Variants in PCM1 observed in about 807,000 individuals in gnomAD.
PCM1 encodes the protein pericentriolar material 1, also known as pericentriolar material 1 protein.
Under a neutral mutation model 241.9 loss-of-function variants are expected in PCM1, and 157 were observed. The observed-to-expected ratio is 0.65, with a 90% CI of 0.57 to 0.74. The LOEUF (loss-of-function observed/expected upper bound fraction) is 0.74, where lower values mean the gene tolerates loss of function less well. Among genes scored for constraint, PCM1 ranks in the 30% least tolerant of loss-of-function variants. PCM1 has a pLI of 0.00. For synonymous variants in PCM1, 1,085 were observed against 784.9 expected, an observed-to-expected ratio of 1.38 and a Z score of -6.39; for missense variants, 3,478 against 2,360.1, an observed-to-expected ratio of 1.47 and a Z score of -9.81.
At chr8:17,975,817 G>A (rs2078570922) in intron 23 of PCM1, among the ~76,000 whole-genome samples, 1 of 152,114 alleles carries the variant, frequency 6.6e-6, no homozygotes, top group African/African-American at 2.4e-5. Context: ...TATGAAAATA[G>A]ATATTGCATA....
chr8:18,006,821 T>C (rs951862894), intron 30 of PCM1, among the ~76,000 whole-genome samples: 1 of 152,232 alleles, frequency 6.6e-6, no homozygotes, highest in African/African-American at 2.4e-5. Flanking sequence ...GCTTAAATTA[T>C]AGTAAGTCAG....
chr8:18,013,874 G>T (rs906651176), intron 34 of PCM1, 90 bp from the exon 35 acceptor site: 1 of 734,904 alleles, frequency 1.4e-6, no homozygotes, highest in Non-Finnish European at 2.2e-6. Context: ...TGAAGGTCTT[G>T]GGTTGGACAA....
intron 2 of PCM1, among the ~76,000 whole-genome samples, chr8:17,931,875 AAT>A (rs1474339273): frequency 6.6e-6 from 1 of 152,180 alleles, no homozygotes; most frequent in African/African-American, 2.4e-5. Context: ...AAAGTTTTAA[AAT>A]ATATTTCTAG....
intron 2 of PCM1, among the ~76,000 whole-genome samples, chr8:17,929,965 G>A (rs542273456): frequency 6.6e-5 from 10 of 152,198 alleles, no homozygotes; most frequent in South Asian, 4.1e-4. Context: ...GTTGACTATG[G>A]GGAACTATAA....
Position 17,939,864 on chromosome 8 carries a change from A to T in PCM1, c.783+3A>T. ...TGAAATTTCTTAAAAAAATCCTTGTAAGTATTCGACTTTTAAAATAACATA... is the reference window on the plus strand; with the variant it reads ...TGAAATTTCTTAAAAAAATCCTTGTTAGTATTCGACTTTTAAAATAACATA... On this transcript the variant is annotated splice_donor_region_variant and intron_variant, in intron 6 of 38. Coordinates refer to ENST00000325083, the MANE Select transcript of PCM1 (RefSeq NM_006197.4). 7.0e-7 allele frequency: 1 copy of T among 1,435,748 alleles called. No homozygotes were observed. The highest frequency in any genetic ancestry group is 9.5e-7 in the Non-Finnish European group (1 of 1,053,182). The allele number at this position is 1,435,748 out of a possible 1,614,324, so 88.9% of individuals were successfully genotyped here. A position where few individuals can be genotyped will look rare whatever the true frequency, so the allele number is the denominator to read the frequency against.
chr8:17,968,222 G>A (rs208051), intron 21 of PCM1, among the ~76,000 whole-genome samples: 11,619 of 152,220 alleles, frequency 0.076, 654 homozygotes, highest in African/African-American at 0.16. Context: ...CTAGTATTTA[G>A]GGGAAGAGTA....
intron 23 of PCM1, 154 bp from the exon 24 acceptor site, chr8:17,980,437 C>T: frequency 1.9e-6 from 1 of 529,448 alleles, no homozygotes; most frequent in Non-Finnish European, 3.2e-6. Context: ...GCAAAGATAC[C>T]TCCAAGACAT....
intron 24 of PCM1, among the ~76,000 whole-genome samples, chr8:17,981,756 C>A (rs1300023048): frequency 1.3e-5 from 2 of 152,028 alleles, no homozygotes; most frequent in African/African-American, 2.4e-5. Flanking sequence ...GAAACATGGT[C>A]AAAGAGGGAA....
intron 2 of PCM1, among the ~76,000 whole-genome samples, chr8:17,933,114 C>T (rs140090274): frequency 5.6e-4 from 85 of 152,288 alleles, no homozygotes; most frequent in African/African-American, 1.9e-3. Flanking sequence ...AGTGCTCACT[C>T]CTACATCATA....
chr8:17,939,940 C>T lies in PCM1; in HGVS notation c.783+79C>T, dbSNP rs1237995129. The T allele has an allele frequency of 3.6e-6, 4 of 1,101,792 alleles. No individual in the cohort carries two copies. The East Asian group carries it at 7.7e-5, about 21-fold the overall frequency. 68.3% of individuals were successfully genotyped at this position (1,101,792 alleles called of 1,614,324 possible). On this transcript the variant is annotated intron_variant, in intron 6 of 38. Coordinates refer to ENST00000325083, the MANE Select transcript of PCM1 (RefSeq NM_006197.4). ...ATTTACTGATGACATTCTGATGCCA[C>T]CCCAGAGGAGTTAACATATTTTCAA...
Position 17,991,767 on chromosome 8 carries a change from T to C in PCM1, c.4690+67T>C, listed in dbSNP as rs956234644. Reference sequence around the variant, plus strand: ...GTGTTTGGTTACATGAATAAGTTCTTTAGTGGTGATTTCTGAGATTTTGGT... The same window carrying C: ...GTGTTTGGTTACATGAATAAGTTCTCTAGTGGTGATTTCTGAGATTTTGGT... On this transcript the variant is annotated intron_variant, in intron 28 of 38. Transcript: ENST00000325083. The C allele has an allele frequency of 7.7e-6, 9 of 1,164,676 alleles. No homozygotes were observed. The African/African-American group carries it at 1.2e-4, about 16-fold the overall frequency. 72.1% of individuals were successfully genotyped at this position (1,164,676 alleles called of 1,614,324 possible).
In PCM1 at chr8:17,991,046, A is replaced by ATT. The variant is rs35010110; in HGVS notation, c.4532-484_4532-483dup. Among the ~76,000 whole-genome samples, 1,133 of 144,784 alleles carry ATT rather than the reference A, an allele frequency of 7.8e-3. 9 individuals carry two copies. Among genetic ancestry groups the ATT allele is most frequent in the African/African-American group, 0.027 (1,074 of 39,836 alleles). The allele number at this position is 144,784 out of a possible 152,430, so 95.0% of individuals were successfully genotyped here. The stretch of plus-strand genomic sequence containing the variant: ...TACGTATTTTCTTTCATTTACTGGT[A>ATT]TTTTTTTTTTTTTCTTACAAACCTG... On this transcript the variant is annotated intron_variant, in intron 27 of 38. Coordinates refer to ENST00000325083, the MANE Select transcript of PCM1 (RefSeq NM_006197.4).
rs3907816 is a variant in PCM1, at chr8:17,954,038, C to G, written c.1288+852C>G. ...ACAAAAGAACCTTAATATTCCTGTCCTAAAACATACTCCTTTCTTTTCTCT... is the reference window on the plus strand; with the variant it reads ...ACAAAAGAACCTTAATATTCCTGTCGTAAAACATACTCCTTTCTTTTCTCT... On this transcript the variant is annotated intron_variant, in intron 9 of 38. Coordinates refer to ENST00000325083, the MANE Select transcript of PCM1 (RefSeq NM_006197.4). 3.1e-3 allele frequency among the ~76,000 whole-genome samples: 470 copies of G among 152,310 alleles called. 3 individuals carry two copies. The highest frequency in any genetic ancestry group is 0.011 in the African/African-American group (449 of 41,560).
chr8:18,011,562 A>T (rs2092514147), intron 33 of PCM1, 105 bp from the exon 34 acceptor site: 1 of 1,132,186 alleles, frequency 8.8e-7, no homozygotes, highest in Non-Finnish European at 1.2e-6. Context: ...AGGATTTCAG[A>T]TACTGTATAT....
chr8:17,976,357 G>A (rs185792939), intron 23 of PCM1, among the ~76,000 whole-genome samples: 8 of 152,310 alleles, frequency 5.3e-5, no homozygotes, highest in African/African-American at 1.7e-4. Context: ...AGGAATCATT[G>A]TTATACTGCA....
chr8:17,938,165 C>T (rs1348549372), intron 4 of PCM1, among the ~76,000 whole-genome samples: 1 of 152,064 alleles, frequency 6.6e-6, no homozygotes, highest in Non-Finnish European at 1.5e-5. Flanking sequence ...TACGAAAATC[C>T]GAAATGCTCC....
chr8:17,956,840 G>C, intron 11 of PCM1, 63 bp downstream of exon 11: 2 of 1,269,264 alleles, frequency 1.6e-6, no homozygotes, highest in East Asian at 2.4e-5. Context: ...TTATAATGTG[G>C]GAACAAAAAT....
At position 17,937,262 on chromosome 8, in the gene PCM1, A is replaced by T. The variant is rs1448772458; in HGVS notation, c.225A>T (p.Arg75=). The T allele has an allele frequency of 3.1e-6, 5 of 1,611,568 alleles. No individual in the cohort carries two copies. Among genetic ancestry groups the T allele is most frequent in the Non-Finnish European group, 4.2e-6 (5 of 1,178,474 alleles). ...SPESSPGVGR[R]RTKTPHTFPH... ...AGTCGTCACCAGGAGTTGGAAGGCG[A>T]AGAACAAAGACTCCACATACGTTCC... The change falls in exon 4 of 39, where the codon CGA becomes CGT. Residue 75 remains arginine, a synonymous_variant. Transcript: ENST00000325083.
chr8:18,019,809 G>A (rs778981575), intron 36 of PCM1, among the ~76,000 whole-genome samples: 18 of 152,296 alleles, frequency 1.2e-4, no homozygotes, highest in Non-Finnish European at 1.9e-4. Flanking sequence ...ACAGGCCCTG[G>A]ACTGGTACTG....
Sources: gnomAD v4.1 joint callset for allele counts (sites outside exome capture counted in the v4.1 genomes callset) on GRCh38, gnomAD v4.1.1 for gene constraint, MANE v1.5 for transcripts, NCBI Gene and HGNC (gene_info 2026-07-23, HGNC 2026-07-21) for gene names.